DAB1: variants seen among roughly 807,000 people sequenced by gnomAD.
DAB1 encodes the protein DAB adaptor protein 1, also known as disabled homolog 1.
A neutral mutation model predicts 64.6 loss-of-function variants in DAB1; 15 were observed. The ratio of observed to expected loss-of-function variants is 0.23; its 90% CI spans 0.16 to 0.36. The LOEUF is 0.36. DAB1 is among the 10% of genes least tolerant of loss of function. The pLI is 1.00. For missense variants in DAB1, 596 were observed against 706.7 expected, an observed-to-expected ratio of 0.84 and a Z score of 1.78; for synonymous variants, 235 against 251.9, an observed-to-expected ratio of 0.93 and a Z score of 0.64.
intron 6 of DAB1, among the ~76,000 whole-genome samples, chr1:57,672,579 C>G (rs1646521689): frequency 2.0e-5 from 3 of 152,118 alleles, no homozygotes; most frequent in Admixed American, 2.0e-4. Context: ...GACTGAATGT[C>G]AATCACTTGA....
chr1:58,431,735 C>CT (rs1044934822), intron 3 of DAB1, among the ~76,000 whole-genome samples: 1 of 151,070 alleles, frequency 6.6e-6, no homozygotes, highest in African/African-American at 2.4e-5. Context: ...TTCTTCTTCC[C>CT]TTTTTTTTTC....
intron 1 of DAB1, among the ~76,000 whole-genome samples, chr1:58,532,822 A>G (rs1315495072): frequency 1.3e-5 from 2 of 152,242 alleles, no homozygotes; most frequent in African/African-American, 4.8e-5. Flanking sequence ...CACTGCACCC[A>G]GTCAAGAAAA....
At chr1:57,251,049 C>T (rs1669298991) in intron 2 of DAB1, among the ~76,000 whole-genome samples, 1 of 152,160 alleles carries the variant, frequency 6.6e-6, no homozygotes, top group Non-Finnish European at 1.5e-5. Context: ...TTTGAAAGAA[C>T]AAAATGTGGT....
intron 3 of DAB1, among the ~76,000 whole-genome samples, chr1:58,487,150 G>A (rs1378174306): frequency 6.6e-6 from 1 of 152,222 alleles, no homozygotes; most frequent in Admixed American, 6.5e-5. Flanking sequence ...GGGAGGAGAT[G>A]ATGGTGACTT....
At chr1:57,400,823 G>A (rs535328405) in intron 1 of DAB1, among the ~76,000 whole-genome samples, 16 of 151,922 alleles carry the variant, frequency 1.1e-4, no homozygotes, top group South Asian at 6.2e-4. Context: ...GATTTATTCC[G>A]TCTCAGGCAC....
intron 7 of DAB1, among the ~76,000 whole-genome samples, chr1:57,586,441 CTCTTT>C (rs973049229): frequency 1.1e-4 from 17 of 151,408 alleles, no homozygotes; most frequent in South Asian, 2.1e-4. Context: ...TTTGTCTTTT[CTCTTT>C]TCTTTTCTTT....
intron 2 of DAB1, among the ~76,000 whole-genome samples, chr1:57,192,364 G>A (rs1664216667): frequency 6.6e-6 from 1 of 150,792 alleles, no homozygotes; most frequent in African/African-American, 2.4e-5. Flanking sequence ...GCTAAAATAT[G>A]AGCACTGCAT....
At chr1:57,144,539 C>T (rs1658922505) in intron 3 of DAB1, among the ~76,000 whole-genome samples, 1 of 151,720 alleles carries the variant, frequency 6.6e-6, no homozygotes, top group South Asian at 2.1e-4. Flanking sequence ...ACTAAAAATA[C>T]AAAAATTAGC....
intron 1 of DAB1, among the ~76,000 whole-genome samples, chr1:58,543,060 C>A (rs988655555): frequency 2.0e-5 from 3 of 151,744 alleles, no homozygotes; most frequent in Admixed American, 2.0e-4. Flanking sequence ...AAGTGAGAGA[C>A]CACAAAGCCA....
In DAB1 at chr1:58,262,435, A is replaced by C. The variant is rs141806252; in HGVS notation, n.309+80917T>G. Among the ~76,000 whole-genome samples the C allele has an allele frequency of 6.5e-3, 990 of 152,298 alleles. 15 individuals are homozygous for C. Among genetic ancestry groups the C allele is most frequent in the African/African-American group, 0.023 (948 of 41,554 alleles). ...CCCCATCTCTACTAAAAATACAAAA[A>C]TTAGCTGAATGTGGTGGTATGCACC... On this transcript the variant is annotated intron_variant and non_coding_transcript_variant, in intron 4 of 20. Transcript: ENST00000485760.
chr1:57,473,869 C>T (rs1459859274), intron 7 of DAB1, among the ~76,000 whole-genome samples: 2 of 152,060 alleles, frequency 1.3e-5, no homozygotes, highest in African/African-American at 2.4e-5. Context: ...CCATAATAAC[C>T]GTAAAAATGT....
intron 5 of DAB1, among the ~76,000 whole-genome samples, chr1:58,046,105 G>C (rs577318985): frequency 6.6e-6 from 1 of 152,112 alleles, no homozygotes; most frequent in South Asian, 2.1e-4. Context: ...ATTCAGCAAG[G>C]CTTTATTGAG....
At chr1:57,509,989 T>C (rs115188580) in intron 7 of DAB1, among the ~76,000 whole-genome samples, 57 of 152,342 alleles carry the variant, frequency 3.7e-4, no homozygotes, top group African/African-American at 1.3e-3. Context: ...AGTACTTCCA[T>C]TGCTTTTTGT....
At chr1:57,820,729 C>G (rs1652079254) in intron 6 of DAB1, among the ~76,000 whole-genome samples, 1 of 152,196 alleles carries the variant, frequency 6.6e-6, no homozygotes, top group Admixed American at 6.5e-5. Flanking sequence ...AGCTACTGAA[C>G]ACAGACATCT....
At chr1:57,245,270 G>A (rs981947511) in intron 2 of DAB1, among the ~76,000 whole-genome samples, 1 of 152,136 alleles carries the variant, frequency 6.6e-6, no homozygotes, top group Non-Finnish European at 1.5e-5. Context: ...TAGGGTACCT[G>A]CTGGGAGAAA....
chr1:58,473,556 AT>A lies in DAB1; in HGVS notation n.257+32503del, dbSNP rs1557431459. ...GACTCCGTCTCAAAAAAATAAATAA[AT>A]AAATAAATAAATAAATAAATAAATA... On this transcript the variant is annotated intron_variant and non_coding_transcript_variant, in intron 3 of 20. Transcript: ENST00000485760. Among the ~76,000 whole-genome samples the A allele has an allele frequency of 1.9e-3, 220 of 114,244 alleles. 2 individuals carry two copies. The highest frequency in any genetic ancestry group is 3.5e-3 in the African/African-American group (117 of 33,010). 74.9% of individuals were successfully genotyped at this position (114,244 alleles called of 152,430 possible).
At chr1:57,701,551 G>A (rs28757408) in intron 6 of DAB1, among the ~76,000 whole-genome samples, 2 of 151,902 alleles carry the variant, frequency 1.3e-5, no homozygotes, top group African/African-American at 4.8e-5. Flanking sequence ...CCAGGGGTAG[G>A]GGGAGGAGGG....
At chr1:57,556,372 T>C (rs969006364) in intron 7 of DAB1, among the ~76,000 whole-genome samples, 2 of 152,246 alleles carry the variant, frequency 1.3e-5, no homozygotes, top group African/African-American at 4.8e-5. Context: ...CCATAGTGGT[T>C]GTACTAGTTT....
chr1:57,486,447 G>T (rs1435020521), intron 7 of DAB1, among the ~76,000 whole-genome samples: 1 of 152,126 alleles, frequency 6.6e-6, no homozygotes, highest in African/African-American at 2.4e-5. Context: ...TGCCAGTCTG[G>T]TCTATGACAA....
Sources: gnomAD v4.1 joint callset for allele counts (sites outside exome capture counted in the v4.1 genomes callset) on GRCh38, gnomAD v4.1.1 for gene constraint, MANE v1.5 for transcripts, NCBI Gene and HGNC (gene_info 2026-07-23, HGNC 2026-07-21) for gene names.